PLXNA4: variants seen among roughly 807,000 people sequenced by gnomAD.
The protein encoded by PLXNA4 is plexin-A4.
PLXNA4 carries 44 observed loss-of-function variants against 191.8 expected under a neutral mutation model. The observed-to-expected ratio is 0.23, with a 90% CI of 0.18 to 0.29. The LOEUF (loss-of-function observed/expected upper bound fraction) is 0.29. Among genes scored for constraint, PLXNA4 ranks in the 10% least tolerant of loss-of-function variants. The pLI, the probability that PLXNA4 is intolerant of heterozygous loss-of-function variation, is 1.00. For synonymous variants in PLXNA4, 1,082 were observed against 1,009.5 expected (o/e 1.07, Z -1.36); for missense variants, 1,800 against 2,488.8 (o/e 0.72, Z 5.89).
At chr7:132,625,086 G>A (rs1218520348) in intron 2 of PLXNA4, among the ~76,000 whole-genome samples, 1 of 152,066 alleles carries the variant, frequency 6.6e-6, no homozygotes, top group Non-Finnish European at 1.5e-5. Context: ...TTTCTTCTTT[G>A]TTCTTCAAAC....
chr7:132,574,540 C>A (rs758077659), intron 1 of PLXNA4, among the ~76,000 whole-genome samples: 11 of 152,208 alleles, frequency 7.2e-5, no homozygotes, highest in Non-Finnish European at 1.3e-4. Flanking sequence ...ACTCTGAGAA[C>A]GCATGTGTGT....
At chr7:132,154,596 G>C (rs1387507894) in intron 25 of PLXNA4, among the ~76,000 whole-genome samples, 3 of 152,188 alleles carry the variant, frequency 2.0e-5, no homozygotes, top group Non-Finnish European at 4.4e-5. Flanking sequence ...GCAAACGCAG[G>C]CTGAGCCCCG....
intron 1 of PLXNA4, among the ~76,000 whole-genome samples, chr7:132,537,679 A>T (rs1799907013): frequency 6.6e-6 from 1 of 152,220 alleles, no homozygotes; most frequent in Non-Finnish European, 1.5e-5. Flanking sequence ...TGGAAGTGGG[A>T]GTGAGGAAGG....
At chr7:132,185,194 T>C (rs1385575671) in intron 16 of PLXNA4, 105 bp downstream of exon 16, 6 of 1,425,370 alleles carry the variant, frequency 4.2e-6, no homozygotes, top group Non-Finnish European at 4.6e-6. Context: ...AGCTCATCCA[T>C]CCCCCAAGCA....
chr7:132,359,180 C>T (rs1803829364), intron 3 of PLXNA4, among the ~76,000 whole-genome samples: 2 of 148,554 alleles, frequency 1.3e-5, no homozygotes, highest in East Asian at 3.9e-4. Flanking sequence ...TCAGCCCCCT[C>T]CTATTTCAGA....
chr7:132,474,644 G>A lies in PLXNA4; in HGVS notation c.1371+14648C>T, dbSNP rs564963326. Among the ~76,000 whole-genome samples the A allele has an allele frequency of 1.9e-3, 287 of 151,356 alleles. 4 individuals carry two copies. Among genetic ancestry groups the A allele is most frequent in the African/African-American group, 6.4e-3 (265 of 41,216 alleles). On this transcript the variant is annotated intron_variant, in intron 3 of 31. Coordinates refer to ENST00000321063, the MANE Select transcript of PLXNA4 (RefSeq NM_020911.2). ...TGTACACACACACACACACGCGCGC[G>A]CACGCACACACACACAATTAAATCC...
intron 3 of PLXNA4, among the ~76,000 whole-genome samples, chr7:132,354,178 A>AGTGTGT (rs138307873): frequency 2.2e-4 from 33 of 151,178 alleles, no homozygotes; most frequent in African/African-American, 6.2e-4. Flanking sequence ...GGGCACCAAC[A>AGTGTGT]GTGTGTGCGT....
intron 3 of PLXNA4, among the ~76,000 whole-genome samples, chr7:132,443,753 A>G (rs1795788218): frequency 6.6e-6 from 1 of 152,224 alleles, no homozygotes; most frequent in African/African-American, 2.4e-5. Context: ...AAAATTTCCA[A>G]AGACCAACAT....
intron 4 of PLXNA4, among the ~76,000 whole-genome samples, chr7:132,269,525 G>A (rs1340898750): frequency 2.0e-5 from 3 of 152,182 alleles, no homozygotes; most frequent in Non-Finnish European, 4.4e-5. Flanking sequence ...ACTGGGTAGT[G>A]TTTTGATGAC....
intron 5 of PLXNA4, among the ~76,000 whole-genome samples, chr7:132,232,202 A>G (rs1275799218): frequency 6.6e-6 from 1 of 152,134 alleles, no homozygotes; most frequent in Non-Finnish European, 1.5e-5. Flanking sequence ...AGGCAGGGGT[A>G]GTGGCTTAGA....
intron 9 of PLXNA4, among the ~76,000 whole-genome samples, chr7:132,220,601 C>A (rs1798110727): frequency 6.6e-6 from 1 of 151,984 alleles, no homozygotes; most frequent in Non-Finnish European, 1.5e-5. Context: ...GCTCCATATC[C>A]TTCTCTCGGC....
intron 18 of PLXNA4, among the ~76,000 whole-genome samples, chr7:132,180,986 T>G (rs1314108411): frequency 6.6e-6 from 1 of 152,190 alleles, no homozygotes; most frequent in African/African-American, 2.4e-5. Flanking sequence ...CAATGCAGAG[T>G]TGGAGTCAGT....
chr7:132,537,884 C>T (rs1374403108), intron 1 of PLXNA4, among the ~76,000 whole-genome samples: 1 of 152,204 alleles, frequency 6.6e-6, no homozygotes, highest in Non-Finnish European at 1.5e-5. Flanking sequence ...CAGTGGGGGC[C>T]ACCACAACCC....
intron 4 of PLXNA4, among the ~76,000 whole-genome samples, chr7:132,284,835 C>T (rs527504203): frequency 6.6e-6 from 1 of 152,270 alleles, no homozygotes; most frequent in Admixed American, 6.5e-5. Flanking sequence ...CTGCCTCAGC[C>T]TCCCAAGCAG....
At chr7:132,415,060 C>T (rs1047098753) in intron 3 of PLXNA4, among the ~76,000 whole-genome samples, 1 of 152,228 alleles carries the variant, frequency 6.6e-6, no homozygotes, top group Admixed American at 6.5e-5. Context: ...TTCTGCCCTT[C>T]AAAGTATTCA....
chr7:132,334,236 TTTTC>T (rs200472571), intron 3 of PLXNA4, among the ~76,000 whole-genome samples: 26 of 137,754 alleles, frequency 1.9e-4, no homozygotes, highest in African/African-American at 4.9e-4. Flanking sequence ...ATTTCTTTTC[TTTTC>T]TTTCTTTCTT....
chr7:132,251,132 C>G (rs980361380), intron 4 of PLXNA4, among the ~76,000 whole-genome samples: 3 of 148,202 alleles, frequency 2.0e-5, no homozygotes, highest in African/African-American at 7.5e-5. Context: ...AACACTGCTT[C>G]AAAATAATAC....
At chr7:132,222,234 G>T (rs1233304852) in intron 9 of PLXNA4, among the ~76,000 whole-genome samples, 1 of 152,172 alleles carries the variant, frequency 6.6e-6, no homozygotes, top group African/African-American at 2.4e-5. Flanking sequence ...ACGGGATTTG[G>T]GCCGGGATTT....
At chr7:132,179,325 ACG>A (rs762809330) in intron 20 of PLXNA4, among the ~76,000 whole-genome samples, 5,572 of 148,254 alleles carry the variant, frequency 0.038, 272 homozygotes, top group South Asian at 0.067. Flanking sequence ...ACACATGCAC[ACG>A]CACACACAGA....
Sources: gnomAD v4.1 joint callset for allele counts (sites outside exome capture counted in the v4.1 genomes callset) on GRCh38, gnomAD v4.1.1 for gene constraint, MANE v1.5 for transcripts, NCBI Gene and HGNC (gene_info 2026-07-23, HGNC 2026-07-21) for gene names.